SGCD: variants seen among roughly 807,000 people sequenced by gnomAD.
SGCD encodes the protein sarcoglycan delta, also known as delta-sarcoglycan.
Under a neutral mutation model 36.6 loss-of-function variants are expected in SGCD, and 18 were observed. That is an observed-to-expected ratio of 0.49 (90% CI 0.34 to 0.73). The LOEUF is 0.73. Among genes scored for constraint, SGCD ranks in the 30% least tolerant of loss-of-function variants. SGCD has a pLI of 0.01. For synonymous variants in SGCD, 133 were observed against 130.6 expected, an observed-to-expected ratio of 1.02 and a Z score of -0.12; for missense variants, 387 against 346.7, an observed-to-expected ratio of 1.12 and a Z score of -0.92.
intron 3 of SGCD, among the ~76,000 whole-genome samples, chr5:156,313,593 T>C (rs973685994): frequency 2.0e-5 from 3 of 152,126 alleles, no homozygotes; most frequent in Non-Finnish European, 2.9e-5. Flanking sequence ...TAAAGTCTCC[T>C]GAAATAAATC....
At chr5:155,790,458 T>C in the SGCD span, among the ~76,000 whole-genome samples, 1 of 152,054 alleles carries the variant, frequency 6.6e-6, no homozygotes, top group Non-Finnish European at 1.5e-5. Flanking sequence ...GTTTAAGTAA[T>C]AAGGTATAAA....
intron 3 of SGCD, among the ~76,000 whole-genome samples, chr5:156,286,309 C>A (rs1022304670): frequency 6.6e-6 from 1 of 152,144 alleles, no homozygotes; most frequent in African/African-American, 2.4e-5. Context: ...TTTGACCCAG[C>A]CATCCCATTA....
At chr5:156,294,572 C>A (rs1604960) in intron 3 of SGCD, among the ~76,000 whole-genome samples, 126,547 of 152,212 alleles carry the variant, frequency 0.83, 53,244 homozygotes, top group African/African-American at 0.96. Context: ...AATCTTATAG[C>A]AAATGCTTTT....
At chr5:156,577,219 GAT>G (rs1184850459) in intron 4 of SGCD, among the ~76,000 whole-genome samples, 1 of 152,196 alleles carries the variant, frequency 6.6e-6, no homozygotes, top group African/African-American at 2.4e-5. Flanking sequence ...TCAAAGATCA[GAT>G]GGTTGTAGAT....
intron 3 of SGCD, among the ~76,000 whole-genome samples, chr5:156,372,125 T>C (rs1346365718): frequency 1.3e-5 from 2 of 152,194 alleles, no homozygotes; most frequent in South Asian, 4.1e-4. Flanking sequence ...AGTGGTGAAT[T>C]TGCAGTTTCT....
chr5:156,391,223 A>G (rs1771542824), intron 3 of SGCD, among the ~76,000 whole-genome samples: 1 of 152,252 alleles, frequency 6.6e-6, no homozygotes, highest in African/African-American at 2.4e-5. Context: ...AAGTACAGTA[A>G]CGTGCTATAC....
chr5:156,635,691 A>G (rs1762801226), intron 6 of SGCD, among the ~76,000 whole-genome samples: 1 of 152,172 alleles, frequency 6.6e-6, no homozygotes, highest in African/African-American at 2.4e-5. Flanking sequence ...TACACCATGG[A>G]ATACTATGCA....
intron 3 of SGCD, among the ~76,000 whole-genome samples, chr5:156,475,621 C>T (rs372732620): frequency 7.9e-5 from 12 of 152,108 alleles, no homozygotes; most frequent in South Asian, 2.1e-4. Context: ...ATTTTCTCCC[C>T]GAAGCCAACA....
chr5:156,113,478 CA>C (rs1761838474), intron 1 of SGCD, among the ~76,000 whole-genome samples: 1 of 152,168 alleles, frequency 6.6e-6, no homozygotes, highest in Admixed American at 6.6e-5. Flanking sequence ...TACAGAATAT[CA>C]GCCTCAGCAT....
In SGCD at chr5:156,720,813, A is replaced by G. The variant is rs116465810; in HGVS notation, c.576-36768A>G. Among the ~76,000 whole-genome samples the G allele has an allele frequency of 3.4e-3, 512 of 152,324 alleles. 5 individuals carry two copies. The highest frequency in any genetic ancestry group is 0.012 in the African/African-American group (481 of 41,564). On this transcript the variant is annotated intron_variant, in intron 7 of 8. Coordinates refer to ENST00000337851, the MANE Select transcript of SGCD (RefSeq NM_000337.6). ...ACTTTGGTCCAGATGTGCCACCTTT[A>G]TTACATTCTGGCTTCTGTGAGGAGA...
chr5:156,044,442 A>C (rs1293873027), intron 1 of SGCD, among the ~76,000 whole-genome samples: 1 of 152,154 alleles, frequency 6.6e-6, no homozygotes, highest in Non-Finnish European at 1.5e-5. Flanking sequence ...GATTCATTTG[A>C]ATTAGTTGGA....
intron 1 of SGCD, among the ~76,000 whole-genome samples, chr5:156,019,689 A>G (rs1444942265): frequency 1.3e-5 from 2 of 152,182 alleles, no homozygotes; most frequent in African/African-American, 4.8e-5. Flanking sequence ...ATTCAGAGGG[A>G]AGAACTGGAG....
chr5:156,026,690 G>T (rs997180337), intron 1 of SGCD, among the ~76,000 whole-genome samples: 1 of 152,076 alleles, frequency 6.6e-6, no homozygotes, highest in African/African-American at 2.4e-5. Context: ...ATGTTACTTT[G>T]TCCTCCCTAG....
chr5:156,409,619 A>C (rs1474451688), intron 3 of SGCD, among the ~76,000 whole-genome samples: 2 of 152,208 alleles, frequency 1.3e-5, no homozygotes, highest in African/African-American at 2.4e-5. Flanking sequence ...CAGCCTCAGA[A>C]TAATTGTGTG....
At position 156,493,120 on chromosome 5, in the gene SGCD, A is replaced by G. The variant is rs572953056; in HGVS notation, c.193-15481A>G. Reference sequence around the variant, plus strand: ...GGTCAAATGGTATTTCTGGTTCTAGATCCTTGAGGAATCACCACACTGTCT... The same window carrying G: ...GGTCAAATGGTATTTCTGGTTCTAGGTCCTTGAGGAATCACCACACTGTCT... On this transcript the variant is annotated intron_variant, in intron 3 of 8. Transcript: ENST00000337851. Among the ~76,000 whole-genome samples the G allele has an allele frequency of 2.1e-3, 325 of 152,240 alleles. 2 individuals carry two copies. The highest frequency in any genetic ancestry group is 0.01 in the Middle Eastern group (3 of 294).
chr5:156,546,714 G>A (rs1193969091), intron 4 of SGCD, among the ~76,000 whole-genome samples: 1 of 152,148 alleles, frequency 6.6e-6, no homozygotes, highest in Non-Finnish European at 1.5e-5. Flanking sequence ...GATCTTGTCA[G>A]GTAGGAATTA....
intron 3 of SGCD, among the ~76,000 whole-genome samples, chr5:156,482,813 GTTTTTTTTTT>G (rs3074979): frequency 1.6e-4 from 13 of 83,380 alleles, no homozygotes; most frequent in South Asian, 5.2e-4. Context: ...CTTTTGGTCA[GTTTTTTTTTT>G]TTTTTTTTTT....
chr5:156,286,246 C>A (rs1441294883), intron 3 of SGCD, among the ~76,000 whole-genome samples: 1 of 152,128 alleles, frequency 6.6e-6, no homozygotes, highest in Admixed American at 6.5e-5. Flanking sequence ...CTAGTTCAAC[C>A]ATTGTGGATG....
chr5:156,357,285 A>T (rs772077519), intron 3 of SGCD, among the ~76,000 whole-genome samples: 1 of 152,232 alleles, frequency 6.6e-6, no homozygotes, highest in Non-Finnish European at 1.5e-5. Flanking sequence ...ACTGAAGCAT[A>T]GAAGGCTTAA....
Sources: gnomAD v4.1 joint callset for allele counts (sites outside exome capture counted in the v4.1 genomes callset) on GRCh38, gnomAD v4.1.1 for gene constraint, MANE v1.5 for transcripts, NCBI Gene and HGNC (gene_info 2026-07-23, HGNC 2026-07-21) for gene names.